Variants in OR1L8 observed in about 807,000 individuals in gnomAD.
OR1L8 encodes the protein olfactory receptor family 1 subfamily L member 8, also known as olfactory receptor 1L8.
For synonymous variants in OR1L8, 148 were observed against 147.0 expected (o/e 1.01, Z -0.05); for missense variants, 330 against 377.4 (o/e 0.87, Z 1.04).
At chr9:122,561,203 T>C in the OR1L8 span, among the ~76,000 whole-genome samples, 1 of 152,210 alleles carries the variant, frequency 6.6e-6, no homozygotes, top group Non-Finnish European at 1.5e-5. Context: ...CATTCCATCA[T>C]TTATGTTCCT....
downstream of OR1L8, among the ~76,000 whole-genome samples, chr9:122,566,951 A>G (rs956300263): frequency 3.3e-5 from 5 of 152,170 alleles, no homozygotes; most frequent in Non-Finnish European, 7.4e-5. Flanking sequence ...ATGATAAAAT[A>G]TAAGAGGAAA....
downstream of OR1L8, among the ~76,000 whole-genome samples, chr9:122,562,644 G>A (rs1829371782): frequency 6.6e-6 from 1 of 152,126 alleles, no homozygotes; most frequent in African/African-American, 2.4e-5. Flanking sequence ...CATACCAACT[G>A]CCTAGTCAGT....
chr9:122,552,502 G>A, the OR1L8 span, among the ~76,000 whole-genome samples: 1 of 152,146 alleles, frequency 6.6e-6, no homozygotes, highest in Non-Finnish European at 1.5e-5. Flanking sequence ...AGGAAGTGAT[G>A]GAAGGGAGAG....
the OR1L8 span, among the ~76,000 whole-genome samples, chr9:122,552,824 G>GA: frequency 6.6e-6 from 1 of 150,446 alleles, no homozygotes; most frequent in Non-Finnish European, 1.5e-5. Flanking sequence ...GTTTGATGGA[G>GA]ATCATGCATC....
intron 3 of OR1L8, among the ~76,000 whole-genome samples, chr9:122,576,419 G>C (rs1454585133): frequency 6.7e-6 from 1 of 148,818 alleles, no homozygotes; most frequent in Non-Finnish European, 1.5e-5. Context: ...TTTTTTAGTA[G>C]AGATGTGGTT....
chr9:122,572,578 G>C, intron 4 of OR1L8, among the ~76,000 whole-genome samples: 1 of 131,480 alleles, frequency 7.6e-6, no homozygotes, highest in Non-Finnish European at 1.7e-5. Flanking sequence ...TTTTGGGTTT[G>C]GTTTTTTTTT....
chr9:122,554,532 C>T, the OR1L8 span, among the ~76,000 whole-genome samples: 2 of 152,200 alleles, frequency 1.3e-5, no homozygotes, highest in Non-Finnish European at 2.9e-5. Flanking sequence ...AGAATAGAAA[C>T]ATTTATTGAC....
At chr9:122,577,377 A>T (rs1829675831) in intron 2 of OR1L8, among the ~76,000 whole-genome samples, 1 of 152,230 alleles carries the variant, frequency 6.6e-6, no homozygotes, top group African/African-American at 2.4e-5. Context: ...AGTTTTCAGT[A>T]GTTTTACACA....
the OR1L8 span, among the ~76,000 whole-genome samples, chr9:122,560,319 C>T: frequency 6.6e-6 from 1 of 152,084 alleles, no homozygotes; most frequent in Non-Finnish European, 1.5e-5. Context: ...CAGCATTTAG[C>T]CCGTTTACAT....
chr9:122,563,631 T>C (rs1829386157), downstream of OR1L8, among the ~76,000 whole-genome samples: 1 of 152,222 alleles, frequency 6.6e-6, no homozygotes, highest in South Asian at 2.1e-4. Context: ...AATCCATTTG[T>C]CTATTTTTGC....
intron 1 of OR1L8, among the ~76,000 whole-genome samples, chr9:122,582,812 C>T (rs1333439863): frequency 2.0e-5 from 3 of 151,534 alleles, no homozygotes; most frequent in African/African-American, 7.3e-5. Context: ...AAGTTAGTAG[C>T]CACAATTTAA....
chr9:122,572,275 C>G (rs1035427300), intron 4 of OR1L8, among the ~76,000 whole-genome samples: 1 of 152,164 alleles, frequency 6.6e-6, no homozygotes, highest in African/African-American at 2.4e-5. Flanking sequence ...AGATCCAAAC[C>G]ATATCAAATA....
chr9:122,548,376 C>G, the OR1L8 span, among the ~76,000 whole-genome samples: 1 of 151,984 alleles, frequency 6.6e-6, no homozygotes, highest in Admixed American at 6.6e-5. Context: ...TGATAGTTTC[C>G]TCTAGTACAG....
At chr9:122,565,450 G>A (rs1423336485), downstream of OR1L8, among the ~76,000 whole-genome samples, 3 of 152,290 alleles carry the variant, frequency 2.0e-5, no homozygotes, top group African/African-American at 7.2e-5. Flanking sequence ...TGGCCATGGC[G>A]GCAGGGATGG....
chr9:122,562,408 A>T (rs1043282202), downstream of OR1L8, among the ~76,000 whole-genome samples: 2 of 152,200 alleles, frequency 1.3e-5, no homozygotes, highest in Non-Finnish European at 2.9e-5. Context: ...GCTATTGAGA[A>T]TCTGCGTAGC....
At chr9:122,547,401 T>TA in the OR1L8 span, among the ~76,000 whole-genome samples, 2 of 152,192 alleles carry the variant, frequency 1.3e-5, no homozygotes, top group East Asian at 3.8e-4. Flanking sequence ...TGTATAAACT[T>TA]AGAGGATACA....
intron 1 of OR1L8, among the ~76,000 whole-genome samples, chr9:122,581,314 C>G (rs1475017021): frequency 6.6e-6 from 1 of 151,944 alleles, no homozygotes. Context: ...TGTAGTGAGC[C>G]GAGATGGCGC....
chr9:122,549,424 T>C, the OR1L8 span, among the ~76,000 whole-genome samples: 24 of 152,188 alleles, frequency 1.6e-4, no homozygotes, highest in African/African-American at 4.6e-4. Flanking sequence ...TTTGTAGCAA[T>C]GCAAATGGAC....
At chr9:122,570,902 T>G (rs2118723073) in intron 4 of OR1L8, among the ~76,000 whole-genome samples, 1 of 152,332 alleles carries the variant, frequency 6.6e-6, no homozygotes, top group East Asian at 1.9e-4. Flanking sequence ...AAGAGGCATA[T>G]GTTATTACTG....
Sources: gnomAD v4.1 joint callset for allele counts (sites outside exome capture counted in the v4.1 genomes callset) on GRCh38, gnomAD v4.1.1 for gene constraint, MANE v1.5 for transcripts, NCBI Gene and HGNC (gene_info 2026-07-23, HGNC 2026-07-21) for gene names.